Variants in PARD3B observed in about 807,000 individuals in gnomAD.
PARD3B encodes the protein par-3 family cell polarity regulator beta, also known as partitioning defective 3 homolog B.
In PARD3B, 103 loss-of-function variants were observed where a neutral mutation model predicts 130.2. The ratio of observed to expected loss-of-function variants is 0.79; its 90% CI spans 0.67 to 0.93. PARD3B has a LOEUF of 0.93. PARD3B is among the 40% of genes least tolerant of loss of function. The probability of loss-of-function intolerance (pLI) is 0.00; values close to 1 mark genes in which losing one functional copy is unlikely to be tolerated. For missense variants in PARD3B, 1,609 were observed against 1,499.2 expected (o/e 1.07, Z -1.21); for synonymous variants, 583 against 553.2 (o/e 1.05, Z -0.76).
At chr2:205,267,577 G>A (rs2040559884) in intron 16 of PARD3B, among the ~76,000 whole-genome samples, 2 of 152,124 alleles carry the variant, frequency 1.3e-5, no homozygotes, top group Non-Finnish European at 2.9e-5. Context: ...AGGCAGCAGG[G>A]AGAGCAAAAG....
At position 204,799,912 on chromosome 2, in the gene PARD3B, G is replaced by A. The variant is rs542052379; in HGVS notation, c.222+113630G>A. 3.3e-4 allele frequency among the ~76,000 whole-genome samples: 50 copies of A among 152,154 alleles called. 1 individual carries two copies. The highest frequency in any genetic ancestry group is 8.3e-4 in the South Asian group (4 of 4,828). ...TGGTAAGCCTTCCTAAGAAGGGTGG[G>A]TACAAACAAGCCAAGACTGTGAAGG... On this transcript the variant is annotated intron_variant, in intron 2 of 22. Coordinates refer to ENST00000406610, the MANE Select transcript of PARD3B (RefSeq NM_001302769.2). This position sits in a 1 kb window ranked among gnomAD's most constrained non-coding sequence, Gnocchi z 4.1.
At chr2:205,602,318 G>T (rs2054818739) in intron 22 of PARD3B, among the ~76,000 whole-genome samples, 1 of 152,224 alleles carries the variant, frequency 6.6e-6, no homozygotes, top group African/African-American at 2.4e-5. Context: ...GTTCATCAGG[G>T]ATATTGGCCT....
At chr2:205,567,933 A>AGATGGGGTCTTCTGG (rs2053417742) in intron 22 of PARD3B, among the ~76,000 whole-genome samples, 3 of 152,116 alleles carry the variant, frequency 2.0e-5, no homozygotes, top group Admixed American at 6.5e-5. Context: ...GATGGTAGGG[A>AGATGGGGTCTTCTGG]AGACACTCAC....
intron 2 of PARD3B, among the ~76,000 whole-genome samples, chr2:204,925,292 T>A (rs2125761794): frequency 6.6e-6 from 1 of 152,266 alleles, no homozygotes; most frequent in South Asian, 2.1e-4. Flanking sequence ...CCTATGATGA[T>A]GGTGGCTATG....
At chr2:205,542,599 A>G (rs1386817224) in intron 21 of PARD3B, among the ~76,000 whole-genome samples, 1 of 152,146 alleles carries the variant, frequency 6.6e-6, no homozygotes, top group African/African-American at 2.4e-5. Context: ...CATGAATGGT[A>G]GGACAGGTCT....
At chr2:204,735,363 ATTGT>A (rs746769428) in intron 2 of PARD3B, among the ~76,000 whole-genome samples, 6 of 152,102 alleles carry the variant, frequency 3.9e-5, no homozygotes, top group African/African-American at 1.4e-4. Flanking sequence ...TCTTGTTCAT[ATTGT>A]TTAATTTGAA....
chr2:204,971,295 C>A (rs963074548), intron 3 of PARD3B, among the ~76,000 whole-genome samples: 1 of 152,164 alleles, frequency 6.6e-6, no homozygotes, highest in African/African-American at 2.4e-5. Flanking sequence ...GTATTGGCAT[C>A]TGATCCTAGA....
At chr2:204,919,890 C>G (rs2047598576) in intron 2 of PARD3B, among the ~76,000 whole-genome samples, 1 of 151,948 alleles carries the variant, frequency 6.6e-6, no homozygotes, top group Non-Finnish European at 1.5e-5. Context: ...TTCTGTGCAT[C>G]TCCGAGTTCT....
Position 204,845,339 on chromosome 2 carries a change from G to T in PARD3B, c.223-119813G>T, listed in dbSNP as rs143071349. ...TTTCTGCTTTGAACAACTTTTTCATGTGGAAAACCTTAACTTTTTATAGGT... is the reference window on the plus strand; with the variant it reads ...TTTCTGCTTTGAACAACTTTTTCATTTGGAAAACCTTAACTTTTTATAGGT... On this transcript the variant is annotated intron_variant, in intron 2 of 22. Transcript: ENST00000406610. Among the ~76,000 whole-genome samples, 1,119 of 152,236 alleles carry T rather than the reference G, an allele frequency of 7.4e-3. 11 individuals carry two copies. The highest frequency in any genetic ancestry group is 0.011 in the Non-Finnish European group (772 of 67,984).
At chr2:205,381,148 T>C (rs1329660254) in intron 18 of PARD3B, among the ~76,000 whole-genome samples, 1 of 115,826 alleles carries the variant, frequency 8.6e-6, no homozygotes. Flanking sequence ...ATATATAATA[T>C]ATATAATATA....
chr2:204,835,899 G>A (rs1049146865), intron 2 of PARD3B, among the ~76,000 whole-genome samples: 33 of 152,332 alleles, frequency 2.2e-4, no homozygotes, highest in African/African-American at 4.3e-4. Flanking sequence ...AAGCTATGGC[G>A]TGTTCTGTAT....
intron 20 of PARD3B, among the ~76,000 whole-genome samples, chr2:205,479,818 G>A (rs2049158975): frequency 6.6e-6 from 1 of 151,704 alleles, no homozygotes; most frequent in East Asian, 1.9e-4. Flanking sequence ...AAGCCCATAT[G>A]ATCTCAGTTT....
chr2:205,325,446 C>A lies in PARD3B; in HGVS notation c.2630+23745C>A, dbSNP rs918419532. Among the ~76,000 whole-genome samples, 6 of 152,044 alleles carry A rather than the reference C, an allele frequency of 3.9e-5. No individual in the cohort carries two copies. Among genetic ancestry groups the A allele is most frequent in the Admixed American group, 6.6e-5 (1 of 15,256 alleles). ...TGCTTAAATGCTGGGTTCAAGGGTT[C>A]TTTGGAAGCCTTGCTGACAACAATT... On this transcript the variant is annotated intron_variant, in intron 18 of 22. Transcript: ENST00000406610. This position sits in a 1 kb window ranked among gnomAD's most constrained non-coding sequence, Gnocchi z 4.1.
At position 205,121,882 on chromosome 2, in the gene PARD3B, A is replaced by G; in HGVS notation, c.1098A>G (p.Ser366=). 1 of 1,613,886 alleles carries G rather than the reference A, an allele frequency of 6.2e-7. No individual in the cohort carries two copies. The highest frequency in any genetic ancestry group is 2.2e-5 in the East Asian group (1 of 44,868). The part of the protein sequence containing the change: ...PRLGGKPSSP[S]LSPLMGFGSN... ...TGGGAGGAAAACCATCCTCTCCCTCACTCTCGCCTCTCATGGGATTTGGCA... is the reference window on the plus strand; with the variant it reads ...TGGGAGGAAAACCATCCTCTCCCTCGCTCTCGCCTCTCATGGGATTTGGCA... Residue 366 remains serine (S), a synonymous_variant, in exon 8 of 23, where the codon TCA becomes TCG. Transcript: ENST00000406610. This position sits in a 1 kb window ranked among gnomAD's most constrained non-coding sequence, Gnocchi z 5.0.
chr2:205,256,629 A>G (rs1030465883), intron 16 of PARD3B, among the ~76,000 whole-genome samples: 1 of 152,200 alleles, frequency 6.6e-6, no homozygotes, highest in African/African-American at 2.4e-5. Context: ...GGTAACAAAT[A>G]ATTTATGGAT....
Position 205,193,301 on chromosome 2 carries a change from C to A in PARD3B, c.2121C>A (p.Ala707=), listed in dbSNP as rs1024413378. The change falls in exon 15 of 23, where the codon GCC becomes GCA. Residue 707 remains alanine, a synonymous_variant. Coordinates refer to ENST00000406610, the MANE Select transcript of PARD3B (RefSeq NM_001302769.2). ...AGCCTGAATCAATTAATTTGAAAGC[C>A]TCGAAGAGCATGGACCTTGGTAAGC... ...ARQPESINLK[A]SKSMDLVPDE... 5.6e-6 allele frequency: 9 copies of A among 1,610,474 alleles called. No homozygotes were observed. The highest frequency in any genetic ancestry group is 7.6e-6 in the Non-Finnish European group (9 of 1,176,870).
intron 16 of PARD3B, among the ~76,000 whole-genome samples, chr2:205,259,826 G>C (rs1265880656): frequency 6.6e-6 from 1 of 152,012 alleles, no homozygotes; most frequent in Non-Finnish European, 1.5e-5. Context: ...AAATGCTTCG[G>C]ATTTCAAATT....
intron 1 of PARD3B, among the ~76,000 whole-genome samples, chr2:204,614,556 A>G (rs963506762): frequency 6.6e-6 from 1 of 152,182 alleles, no homozygotes; most frequent in African/African-American, 2.4e-5. Flanking sequence ...AACTCACTTC[A>G]TGTTAACACA....
intron 22 of PARD3B, among the ~76,000 whole-genome samples, chr2:205,559,486 G>C (rs2053045028): frequency 6.6e-6 from 1 of 151,776 alleles, no homozygotes; most frequent in Admixed American, 6.6e-5. Flanking sequence ...TTATGGGAAA[G>C]AAATCCCCCA....
Sources: gnomAD v4.1 joint callset for allele counts (sites outside exome capture counted in the v4.1 genomes callset) on GRCh38, gnomAD v4.1.1 for gene constraint, Gnocchi (gnomAD v3.1) non-coding constraint, MANE v1.5 for transcripts, NCBI Gene and HGNC (gene_info 2026-07-23, HGNC 2026-07-21) for gene names.